The following CCDC192 variants were observed in gnomAD, a reference collection of about 807,000 sequenced individuals.
CCDC192 encodes coiled-coil domain containing 192.
intron 2 of CCDC192, among the ~76,000 whole-genome samples, chr5:127,753,120 G>A (rs1754329463): frequency 1.3e-5 from 2 of 152,110 alleles, no homozygotes; most frequent in African/African-American, 4.8e-5. Context: ...TTCCTATTCG[G>A]CCATCTTGGC....
At chr5:127,900,586 T>C (rs78407439) in intron 6 of CCDC192, among the ~76,000 whole-genome samples, 2,742 of 152,354 alleles carry the variant, frequency 0.018, 34 homozygotes, top group Non-Finnish European at 0.028. Flanking sequence ...AATTTCTCCT[T>C]AGCCAGATGC....
intron 6 of CCDC192, among the ~76,000 whole-genome samples, chr5:127,878,592 G>A (rs1752211809): frequency 2.6e-5 from 4 of 152,192 alleles, no homozygotes; most frequent in Admixed American, 2.6e-4. Context: ...GGAGGCAGAG[G>A]TTGCAGTGAG....
intron 5 of CCDC192, among the ~76,000 whole-genome samples, chr5:127,853,299 T>G: frequency 6.6e-6 from 1 of 152,170 alleles, no homozygotes; most frequent in East Asian, 1.9e-4. Context: ...TTTCCATATG[T>G]ATAATAATTC....
intron 5 of CCDC192, among the ~76,000 whole-genome samples, chr5:127,829,823 C>G (rs973125440): frequency 1.3e-5 from 2 of 152,084 alleles, no homozygotes; most frequent in African/African-American, 4.8e-5. Context: ...ACTGTAGCCC[C>G]CACAACTGTT....
intron 3 of CCDC192, chr5:127,786,071 A>G: frequency 1.4e-6 from 1 of 720,428 alleles, no homozygotes; most frequent in South Asian, 1.5e-5. Flanking sequence ...TGGATTCTAG[A>G]TACAAGATTA....
intron 2 of CCDC192, among the ~76,000 whole-genome samples, chr5:127,725,768 G>T (rs1446819276): frequency 1.3e-5 from 2 of 151,956 alleles, no homozygotes; most frequent in African/African-American, 4.8e-5. Context: ...TCTTCTGTTT[G>T]GTCATTATAG....
intron 2 of CCDC192, among the ~76,000 whole-genome samples, chr5:127,709,491 A>G (rs1282639545): frequency 6.6e-6 from 1 of 152,226 alleles, no homozygotes; most frequent in African/African-American, 2.4e-5. Context: ...TGTGAGTGAT[A>G]TATCTAGAAC....
At chr5:127,906,187 C>G (rs553812744) in intron 6 of CCDC192, among the ~76,000 whole-genome samples, 38 of 152,286 alleles carry the variant, frequency 2.5e-4, no homozygotes, top group African/African-American at 9.1e-4. Context: ...AATAACTGCT[C>G]TCCCCCGCCT....
intron 6 of CCDC192, among the ~76,000 whole-genome samples, chr5:127,912,647 C>G (rs965180407): frequency 6.6e-6 from 1 of 152,082 alleles, no homozygotes; most frequent in Non-Finnish European, 1.5e-5. Context: ...AGAAGGTGTT[C>G]ATTGGAGCTA....
At chr5:127,796,789 A>G (rs1757187927) in intron 3 of CCDC192, among the ~76,000 whole-genome samples, 1 of 152,194 alleles carries the variant, frequency 6.6e-6, no homozygotes, top group South Asian at 2.1e-4. Context: ...ATAAAGTGCA[A>G]TCTTGAAACA....
chr5:127,781,655 TAGAAGAG>T, intron 3 of CCDC192, among the ~76,000 whole-genome samples: 1 of 152,048 alleles, frequency 6.6e-6, no homozygotes, highest in East Asian at 1.9e-4. Flanking sequence ...TGTTGGTGTA[TAGAAGAG>T]CTACTGATTT....
chr5:127,873,344 C>G (rs1751937146), intron 5 of CCDC192, among the ~76,000 whole-genome samples: 1 of 152,042 alleles, frequency 6.6e-6, no homozygotes, highest in Admixed American at 6.6e-5. Flanking sequence ...AGTTCTTTCT[C>G]CCCCTAATAT....
chr5:127,870,709 A>G (rs943612826), intron 5 of CCDC192, among the ~76,000 whole-genome samples: 1 of 152,226 alleles, frequency 6.6e-6, no homozygotes, highest in Non-Finnish European at 1.5e-5. Flanking sequence ...AAGGCCTGCC[A>G]TGAACTGAAA....
chr5:127,719,524 TACAC>T (rs1438306665), intron 2 of CCDC192, among the ~76,000 whole-genome samples: 1 of 88,238 alleles, frequency 1.1e-5, no homozygotes, highest in African/African-American at 4.6e-5. Context: ...TATATATATA[TACAC>T]ACATACATAT....
intron 6 of CCDC192, among the ~76,000 whole-genome samples, chr5:127,904,185 C>G (rs73331851): frequency 1.6e-3 from 244 of 152,304 alleles, no homozygotes; most frequent in African/African-American, 5.3e-3. Context: ...GAAATATGGA[C>G]AGCCTCTGGA....
intron 2 of CCDC192, among the ~76,000 whole-genome samples, chr5:127,742,369 G>A (rs529531898): frequency 6.6e-6 from 1 of 151,962 alleles, no homozygotes; most frequent in Non-Finnish European, 1.5e-5. Context: ...TATAGAAATG[G>A]ACAAGTAGTT....
chr5:127,923,286 G>C (rs1024423858), intron 6 of CCDC192, among the ~76,000 whole-genome samples: 31 of 152,042 alleles, frequency 2.0e-4, no homozygotes, highest in African/African-American at 7.2e-4. Context: ...GTTCTTCCTT[G>C]TGAACGGAAC....
intron 2 of CCDC192, among the ~76,000 whole-genome samples, chr5:127,737,140 C>T (rs934915792): frequency 7.9e-5 from 12 of 151,700 alleles, no homozygotes; most frequent in African/African-American, 1.7e-4. Flanking sequence ...TCTTTGTTCT[C>T]GTTGGTTTCA....
chr5:127,770,654 A>G (rs540926238), intron 3 of CCDC192, among the ~76,000 whole-genome samples: 29 of 152,274 alleles, frequency 1.9e-4, no homozygotes, highest in African/African-American at 4.1e-4. Flanking sequence ...TATCATGACA[A>G]TTTTCATCTG....
Sources: allele counts gnomAD v4.1 joint callset (sites outside exome capture counted in the v4.1 genomes callset), GRCh38; gene constraint gnomAD v4.1.1; transcripts MANE v1.5; gene names NCBI Gene and HGNC (gene_info 2026-07-23, HGNC 2026-07-21).